ANK2: variants seen among roughly 807,000 people sequenced by gnomAD.
ANK2 encodes ankyrin 2, also known as ankyrin-2.
Under a neutral mutation model 360.5 loss-of-function variants are expected in ANK2, and 83 were observed. The ratio of observed to expected loss-of-function variants is 0.23; its 90% CI spans 0.19 to 0.28. The LOEUF (loss-of-function observed/expected upper bound fraction) is 0.28, where lower values mean the gene tolerates loss of function less well. ANK2 is among the 10% of genes least tolerant of loss of function. The pLI, the probability that ANK2 is intolerant of heterozygous loss-of-function variation, is 1.00. For synonymous variants in ANK2, 1,740 were observed against 1,759.5 expected, an observed-to-expected ratio of 0.99 and a Z score of 0.28; for missense variants, 4,201 against 4,795.7, an observed-to-expected ratio of 0.88 and a Z score of 3.66.
chr4:113,057,253 A>G (rs956286979), intron 1 of ANK2, among the ~76,000 whole-genome samples: 1 of 152,200 alleles, frequency 6.6e-6, no homozygotes, highest in East Asian at 1.9e-4. Flanking sequence ...GCAATTGCCA[A>G]AAAGAAACTC....
intron 23 of ANK2, among the ~76,000 whole-genome samples, chr4:113,307,959 TAA>T (rs751203644): frequency 2.0e-4 from 30 of 152,240 alleles, no homozygotes; most frequent in Admixed American, 7.2e-4. Flanking sequence ...ATTAAGTGAG[TAA>T]ATAGGTAACA....
chr4:112,988,250 C>A (rs1366376742), intron 2 of ANK2, among the ~76,000 whole-genome samples: 1 of 152,196 alleles, frequency 6.6e-6, no homozygotes. Context: ...AAACCCCTTG[C>A]TCTCTTGGCA....
chr4:113,238,721 A>G (rs982907434), intron 7 of ANK2, among the ~76,000 whole-genome samples: 5 of 152,294 alleles, frequency 3.3e-5, no homozygotes, highest in African/African-American at 1.2e-4. Context: ...CTTGAAGACA[A>G]TAGAGTAAAA....
intron 1 of ANK2, among the ~76,000 whole-genome samples, chr4:113,151,849 T>G (rs1327741799): frequency 6.7e-6 from 1 of 149,340 alleles, no homozygotes; most frequent in Non-Finnish European, 1.5e-5. Flanking sequence ...GAGGATCACT[T>G]AAGCCCAGGA....
the ANK2 span, among the ~76,000 whole-genome samples, chr4:112,772,016 CAGG>C: frequency 6.6e-6 from 1 of 152,184 alleles, no homozygotes; most frequent in African/African-American, 2.4e-5. Context: ...GGAGCTGCTT[CAGG>C]AGAAGGTCAG....
chr4:112,725,881 AATTTTATGTTACATG>A, the ANK2 span, among the ~76,000 whole-genome samples: 15 of 152,242 alleles, frequency 9.9e-5, 1 homozygote, highest in South Asian at 2.5e-3. Flanking sequence ...GAAAATGGCA[AATTTTATGTTACATG>A]ATTTTATCCA....
chr4:113,376,291 G>C (rs1004342571), intron 45 of ANK2, among the ~76,000 whole-genome samples: 2 of 152,196 alleles, frequency 1.3e-5, no homozygotes, highest in Non-Finnish European at 2.9e-5. Flanking sequence ...TGCACAGCAT[G>C]TTACTGTGCT....
chr4:113,031,120 T>C (rs1430747043), intron 2 of ANK2, among the ~76,000 whole-genome samples: 1 of 152,074 alleles, frequency 6.6e-6, no homozygotes, highest in Non-Finnish European at 1.5e-5. Flanking sequence ...TGACTTGAAT[T>C]GTCTGCCAGT....
chr4:112,729,673 G>A, the ANK2 span, among the ~76,000 whole-genome samples: 3 of 151,368 alleles, frequency 2.0e-5, no homozygotes, highest in African/African-American at 4.9e-5. Context: ...ACTTGAACCC[G>A]GGAGGCGGAG....
At chr4:113,015,289 A>G (rs1190787498) in intron 2 of ANK2, among the ~76,000 whole-genome samples, 1 of 152,224 alleles carries the variant, frequency 6.6e-6, no homozygotes, top group East Asian at 1.9e-4. Context: ...ATCTGTGAGA[A>G]GATATAATAA....
chr4:112,740,380 G>A, the ANK2 span, among the ~76,000 whole-genome samples: 3 of 152,006 alleles, frequency 2.0e-5, no homozygotes, highest in Non-Finnish European at 4.4e-5. Context: ...TGGGACTACA[G>A]GTGCATGCCA....
the ANK2 span, chr4:112,797,055 C>G: frequency 5.0e-6 from 1 of 201,546 alleles, no homozygotes; most frequent in Non-Finnish European, 1.1e-5. Context: ...CACTTGTCAT[C>G]TACTGTTGGC....
chr4:113,001,331 CAA>C (rs11310852), intron 2 of ANK2, among the ~76,000 whole-genome samples: 875 of 84,202 alleles, frequency 0.01, 8 homozygotes, highest in African/African-American at 0.032. Flanking sequence ...AACTCTGTCT[CAA>C]AAAAAAAAAA....
chr4:113,048,278 T>TATATATATATA (rs1561690721), upstream of ANK2, among the ~76,000 whole-genome samples: 1 of 35,684 alleles, frequency 2.8e-5, no homozygotes, highest in Non-Finnish European at 4.9e-5. Context: ...ATATATATAT[T>TATATATATATA]TTTTTTTTTT....
intron 2 of ANK2, among the ~76,000 whole-genome samples, chr4:113,014,462 T>C (rs2055850877): frequency 6.6e-6 from 1 of 152,130 alleles, no homozygotes; most frequent in Non-Finnish European, 1.5e-5. Flanking sequence ...TCACCCAAGG[T>C]TGCATGACTA....
chr4:112,735,505 GTC>G, the ANK2 span, among the ~76,000 whole-genome samples: 4 of 151,880 alleles, frequency 2.6e-5, no homozygotes, highest in East Asian at 7.7e-4. Flanking sequence ...TCATCTTCCT[GTC>G]TCTACCTGTC....
intron 2 of ANK2, among the ~76,000 whole-genome samples, chr4:112,967,695 T>G (rs2037851909): frequency 6.6e-6 from 1 of 152,248 alleles, no homozygotes; most frequent in Non-Finnish European, 1.5e-5. Context: ...CGTATATTTT[T>G]GATGTTATAT....
chr4:112,822,001 C>T (rs1366627174), intron 1 of ANK2, among the ~76,000 whole-genome samples: 1 of 151,958 alleles, frequency 6.6e-6, no homozygotes, highest in East Asian at 1.9e-4. Flanking sequence ...CTCCTGGGCT[C>T]AAGCGATCCA....
intron 8 of ANK2, 126 bp from the exon 9 acceptor site, chr4:113,241,981 TAGAA>T (rs1272868716): frequency 1.6e-5 from 12 of 742,418 alleles, no homozygotes; most frequent in Non-Finnish European, 2.7e-5. Flanking sequence ...ATCAAAGACA[TAGAA>T]AGAGTAGAAA....
Sources: gnomAD v4.1 joint callset for allele counts (sites outside exome capture counted in the v4.1 genomes callset) on GRCh38, gnomAD v4.1.1 for gene constraint, MANE v1.5 for transcripts, NCBI Gene and HGNC (gene_info 2026-07-23, HGNC 2026-07-21) for gene names.